ADGRB3: variants seen among roughly 807,000 people sequenced by gnomAD.
The protein encoded by ADGRB3 is adhesion G protein-coupled receptor B3.
A neutral mutation model predicts 193.4 loss-of-function variants in ADGRB3; 37 were observed. That is an observed-to-expected ratio of 0.19 (90% confidence interval 0.15 to 0.25). ADGRB3 has a LOEUF of 0.25. Ranked by LOEUF, ADGRB3 falls within the 10% of genes least tolerant of loss-of-function variation. The pLI, the probability that ADGRB3 is intolerant of heterozygous loss-of-function variation, is 1.00. For synonymous variants in ADGRB3, 690 were observed against 644.2 expected (o/e 1.07, Z -1.08); for missense variants, 1,637 against 1,852.9 (o/e 0.88, Z 2.14).
intron 3 of ADGRB3, among the ~76,000 whole-genome samples, chr6:68,712,786 A>G (rs1297711810): frequency 1.3e-5 from 2 of 151,976 alleles, no homozygotes; most frequent in Non-Finnish European, 2.9e-5. Flanking sequence ...CTCACTGTTT[A>G]GTAGTTAAGG....
rs755867568 is a variant in ADGRB3 at position 68,936,484 on chromosome 6, C to T, written c.869-35C>T. 4.9e-5 allele frequency: 78 copies of T among 1,597,986 alleles called. No individual in the cohort carries two copies. The Middle Eastern group carries it at 1.3e-3, about 27-fold the overall frequency. On this transcript the variant is annotated intron_variant, in intron 4 of 31. Transcript: ENST00000370598. ...ATGCTTACTAGATGAATACTTAAGACAGTATTTCATGTTTATTTGTTGTCT... is the reference window on the plus strand; with the variant it reads ...ATGCTTACTAGATGAATACTTAAGATAGTATTTCATGTTTATTTGTTGTCT...
chr6:68,784,238 G>C (rs547807004), intron 3 of ADGRB3, among the ~76,000 whole-genome samples: 2 of 152,176 alleles, frequency 1.3e-5, no homozygotes, highest in Admixed American at 6.6e-5. Context: ...AACTGTTGCC[G>C]TAAGTCTACT....
intron 17 of ADGRB3, among the ~76,000 whole-genome samples, chr6:69,145,944 C>A (rs1166116841): frequency 6.6e-6 from 1 of 152,082 alleles, no homozygotes; most frequent in Admixed American, 6.6e-5. Flanking sequence ...TTTGTTCATG[C>A]GCAGGAATGG....
intron 17 of ADGRB3, among the ~76,000 whole-genome samples, chr6:69,220,609 C>T (rs890034473): frequency 5.3e-5 from 8 of 152,082 alleles, no homozygotes; most frequent in African/African-American, 1.9e-4. Flanking sequence ...ACCTCATTCT[C>T]TGAGCTCAAC....
intron 17 of ADGRB3, among the ~76,000 whole-genome samples, chr6:69,172,890 A>C (rs1463144520): frequency 1.3e-5 from 2 of 152,092 alleles, no homozygotes; most frequent in Non-Finnish European, 2.9e-5. Context: ...AAATGGCTGA[A>C]ATGGAAAGAA....
In ADGRB3 at chr6:68,638,663, C is replaced by A. The variant is rs983272969; in HGVS notation, c.-13C>A. The stretch of plus-strand genomic sequence containing the variant: ...TACTTTCATTGCCATTTTTACAGGC[C>A]AAATGACATAGGATGAAGGCTGTTC... On this transcript the variant is annotated splice_region_variant and 5_prime_UTR_variant, in exon 3 of 32. Transcript: ENST00000370598. 6.3e-7 allele frequency: 1 copy of A among 1,597,532 alleles called. No homozygotes were observed. The highest frequency in any genetic ancestry group is 1.4e-5 in the African/African-American group (1 of 73,994).
chr6:68,656,952 G>A (rs1005894342), intron 3 of ADGRB3, among the ~76,000 whole-genome samples: 10 of 151,666 alleles, frequency 6.6e-5, no homozygotes, highest in Admixed American at 2.6e-4. Context: ...GCAGAAGTGG[G>A]AAGTTCTCTT....
At chr6:69,180,952 C>T (rs762652549) in intron 17 of ADGRB3, among the ~76,000 whole-genome samples, 2 of 152,088 alleles carry the variant, frequency 1.3e-5, no homozygotes, top group African/African-American at 4.8e-5. Flanking sequence ...GGTGTCTTTC[C>T]CTCACAGAGT....
chr6:69,095,685 T>G (rs1772853197), intron 17 of ADGRB3, among the ~76,000 whole-genome samples: 1 of 152,160 alleles, frequency 6.6e-6, no homozygotes, highest in South Asian at 2.1e-4. Flanking sequence ...TCTGTCGATA[T>G]AAAAGACATT....
At chr6:68,985,043 A>G (rs932518138) in intron 10 of ADGRB3, among the ~76,000 whole-genome samples, 1 of 152,134 alleles carries the variant, frequency 6.6e-6, no homozygotes, top group South Asian at 2.1e-4. Flanking sequence ...TTAGAGAAAT[A>G]TAATAGGATT....
At chr6:68,688,826 C>T (rs1350352629) in intron 3 of ADGRB3, among the ~76,000 whole-genome samples, 1 of 152,162 alleles carries the variant, frequency 6.6e-6, no homozygotes, top group Non-Finnish European at 1.5e-5. Flanking sequence ...CCTTTAACAA[C>T]AGACCACAGG....
intron 11 of ADGRB3, among the ~76,000 whole-genome samples, chr6:69,001,345 G>T (rs1769570820): frequency 1.3e-5 from 2 of 152,206 alleles, no homozygotes; most frequent in African/African-American, 4.8e-5. Context: ...GGAAAATAGG[G>T]TGCATGGTGG....
intron 11 of ADGRB3, 124 bp downstream of exon 11, chr6:68,994,086 T>C: frequency 1.1e-6 from 1 of 915,524 alleles, no homozygotes; most frequent in Non-Finnish European, 1.6e-6. Context: ...CAAGTTATGC[T>C]TAGTGTGAGC....
intron 17 of ADGRB3, among the ~76,000 whole-genome samples, chr6:69,229,399 G>C (rs1447203693): frequency 2.0e-5 from 3 of 152,090 alleles, no homozygotes; most frequent in Non-Finnish European, 4.4e-5. Context: ...CTTTCTGTCA[G>C]TACACATACA....
chr6:69,293,015 C>A (rs535837515), intron 20 of ADGRB3, among the ~76,000 whole-genome samples: 1 of 152,224 alleles, frequency 6.6e-6, no homozygotes, highest in South Asian at 2.1e-4. Context: ...CTGTCACATT[C>A]CTACCTGGCA....
rs550468937 is a variant in ADGRB3, at chr6:68,752,826, G to T, written c.757+113394G>T. ...AGAAAGTTTTTTATGGGTAAATGTTGGTATACACTTGTGAGATATTTCAGT... is the reference window on the plus strand; with the variant it reads ...AGAAAGTTTTTTATGGGTAAATGTTTGTATACACTTGTGAGATATTTCAGT... On this transcript the variant is annotated intron_variant, in intron 3 of 31. Transcript: ENST00000370598. 3.2e-3 allele frequency among the ~76,000 whole-genome samples: 489 copies of T among 152,108 alleles called. 3 individuals carry two copies. The highest frequency in any genetic ancestry group is 0.011 in the African/African-American group (467 of 41,490).
rs144107387 is a variant in ADGRB3, at chr6:69,323,934, C to A, written c.2815-938C>A. 6.9e-3 allele frequency among the ~76,000 whole-genome samples: 1,055 copies of A among 152,016 alleles called. 7 individuals carry two copies. The highest frequency in any genetic ancestry group is 0.024 in the African/African-American group (988 of 41,490). On this transcript the variant is annotated intron_variant, in intron 20 of 31. Coordinates refer to ENST00000370598, the MANE Select transcript of ADGRB3 (RefSeq NM_001704.3). ...GGTTTTTTTTACAATTTTTAAAATT[C>A]TACTGTCTTTGTTTTGCCATTTTCC...
intron 17 of ADGRB3, among the ~76,000 whole-genome samples, chr6:69,217,916 C>T (rs1765800718): frequency 1.3e-5 from 2 of 150,658 alleles, no homozygotes; most frequent in Admixed American, 1.3e-4. Flanking sequence ...TTAAAAAAAA[C>T]TAAATGAGTA....
intron 24 of ADGRB3, 102 bp downstream of exon 24, chr6:69,333,110 T>G: frequency 1.2e-6 from 1 of 856,478 alleles, no homozygotes; most frequent in Non-Finnish European, 1.6e-6. Context: ...TGAATTTTGT[T>G]ATTGATGTAC....
Sources: gnomAD v4.1 joint callset for allele counts (sites outside exome capture counted in the v4.1 genomes callset) on GRCh38, gnomAD v4.1.1 for gene constraint, MANE v1.5 for transcripts, NCBI Gene and HGNC (gene_info 2026-07-23, HGNC 2026-07-21) for gene names.